The following ARHGAP24 variants were observed in gnomAD, a reference collection of about 807,000 sequenced individuals.
ARHGAP24 encodes rho GTPase-activating protein 24.
Under a neutral mutation model 76.4 loss-of-function variants are expected in ARHGAP24, and 50 were observed. The observed-to-expected ratio is 0.65, with a 90% CI of 0.52 to 0.83. The LOEUF (loss-of-function observed/expected upper bound fraction) is 0.83, where lower values mean the gene tolerates loss of function less well. ARHGAP24 is among the 40% of genes least tolerant of loss of function. The pLI is 0.00. For synonymous variants in ARHGAP24, 345 were observed against 323.3 expected (o/e 1.07, Z -0.72); for missense variants, 930 against 914.2 (o/e 1.02, Z -0.22).
At chr4:85,503,462 G>A (rs1723909094) in intron 1 of ARHGAP24, among the ~76,000 whole-genome samples, 1 of 152,198 alleles carries the variant, frequency 6.6e-6, no homozygotes, top group Non-Finnish European at 1.5e-5. Context: ...TATGTGTTCA[G>A]AAATTTATCC....
At chr4:85,990,318 G>A (rs1330883329) in intron 8 of ARHGAP24, 2 of 151,672 alleles carry the variant, frequency 1.3e-5, no homozygotes. Context: ...CCCTGCTCAT[G>A]TATTAGAATA....
At chr4:85,935,454 G>T (rs1207550181) in intron 4 of ARHGAP24, among the ~76,000 whole-genome samples, 1 of 152,200 alleles carries the variant, frequency 6.6e-6, no homozygotes, top group Non-Finnish European at 1.5e-5. Flanking sequence ...AAAGGAAATC[G>T]GGTTTGGTCT....
chr4:85,895,637 A>C (rs1734135603), intron 3 of ARHGAP24, among the ~76,000 whole-genome samples: 1 of 152,170 alleles, frequency 6.6e-6, no homozygotes, highest in Non-Finnish European at 1.5e-5. Flanking sequence ...TCTTATTTTG[A>C]ATACCTTGAC....
At chr4:85,829,001 G>C (rs1040210143) in intron 3 of ARHGAP24, among the ~76,000 whole-genome samples, 2 of 151,906 alleles carry the variant, frequency 1.3e-5, no homozygotes, top group African/African-American at 4.8e-5. Flanking sequence ...ATAATTATGA[G>C]GGAATACCAA....
chr4:85,485,347 C>CAAAAA (rs1157207535), intron 1 of ARHGAP24, among the ~76,000 whole-genome samples: 1 of 6,726 alleles, frequency 1.5e-4, no homozygotes, highest in African/African-American at 4.1e-4. Context: ...GACTCCATCT[C>CAAAAA]AAAAAAAAAA....
chr4:85,938,891 C>A (rs199809189), intron 4 of ARHGAP24, among the ~76,000 whole-genome samples: 1 of 151,612 alleles, frequency 6.6e-6, no homozygotes. Context: ...AATTATTTAT[C>A]CTAATGTGAT....
intron 1 of ARHGAP24, among the ~76,000 whole-genome samples, chr4:85,554,373 TC>T (rs1367881898): frequency 2.6e-5 from 4 of 152,350 alleles, no homozygotes; most frequent in Non-Finnish European, 2.9e-5. Context: ...AAGGAAGTTT[TC>T]ATGGATAATA....
At chr4:85,805,560 A>G (rs1427192592) in intron 3 of ARHGAP24, among the ~76,000 whole-genome samples, 1 of 152,160 alleles carries the variant, frequency 6.6e-6, no homozygotes, top group African/African-American at 2.4e-5. Flanking sequence ...TTGATTGGGG[A>G]TTATATTAAA....
chr4:85,631,835 A>G (rs1721168684), intron 2 of ARHGAP24, among the ~76,000 whole-genome samples: 2 of 152,022 alleles, frequency 1.3e-5, no homozygotes, highest in African/African-American at 4.8e-5. Flanking sequence ...TCTAATGTTG[A>G]CTATTGTGAT....
At chr4:85,481,506 C>A (rs1024082972) in intron 1 of ARHGAP24, among the ~76,000 whole-genome samples, 35 of 152,080 alleles carry the variant, frequency 2.3e-4, no homozygotes, top group Non-Finnish European at 2.9e-5. Context: ...TGAGTTGGGA[C>A]CTGTGGGATG....
At position 85,739,593 on chromosome 4, in the gene ARHGAP24, C is replaced by T. The variant is rs35472747; in HGVS notation, c.268+17621C>T. On this transcript the variant is annotated intron_variant, in intron 3 of 9. Transcript: ENST00000395184. ...CAGCTTCCCATTACACTCTCCATAT[C>T]GTGAAAACTCCACGTTCAATCTTTT... Among the ~76,000 whole-genome samples, 502 of 111,276 alleles carry T rather than the reference C, an allele frequency of 4.5e-3. 159 individuals are homozygous for T. The East Asian group carries it at 0.098, about 22-fold the overall frequency. The allele number at this position is 111,276 out of a possible 152,430, so 73.0% of individuals were successfully genotyped here. A position where few individuals can be genotyped will look rare whatever the true frequency, so the allele number is the denominator to read the frequency against.
At chr4:85,586,430 T>C (rs544931679) in intron 2 of ARHGAP24, among the ~76,000 whole-genome samples, 42 of 152,200 alleles carry the variant, frequency 2.8e-4, no homozygotes, top group Non-Finnish European at 8.8e-5. Context: ...ATGTGATTGG[T>C]TGAATAAGAG....
intron 2 of ARHGAP24, among the ~76,000 whole-genome samples, chr4:85,583,471 C>T (rs576416395): frequency 5.9e-5 from 9 of 151,994 alleles, no homozygotes; most frequent in African/African-American, 1.7e-4. Flanking sequence ...AAACGTTAGA[C>T]CTAAAACCAT....
At chr4:85,572,240 A>G (rs376284975) in intron 2 of ARHGAP24, among the ~76,000 whole-genome samples, 4 of 152,308 alleles carry the variant, frequency 2.6e-5, no homozygotes, top group African/African-American at 9.6e-5. Flanking sequence ...CCAAACTCAG[A>G]GAAAGGAACC....
chr4:85,532,296 C>G (rs1225579391), intron 1 of ARHGAP24, among the ~76,000 whole-genome samples: 1 of 152,056 alleles, frequency 6.6e-6, no homozygotes, highest in African/African-American at 2.4e-5. Context: ...AATGTAGTGA[C>G]TTCAAGGAAT....
At chr4:85,843,942 A>T (rs916131890) in intron 3 of ARHGAP24, among the ~76,000 whole-genome samples, 9 of 152,154 alleles carry the variant, frequency 5.9e-5, no homozygotes, top group African/African-American at 2.2e-4. Context: ...TATTTCATTA[A>T]GTGCAGAATA....
At chr4:85,594,133 T>G (rs949681532) in intron 2 of ARHGAP24, among the ~76,000 whole-genome samples, 2 of 152,006 alleles carry the variant, frequency 1.3e-5, no homozygotes, top group South Asian at 4.1e-4. Flanking sequence ...CTTTCAGCAG[T>G]ATTTTATAGT....
intron 3 of ARHGAP24, among the ~76,000 whole-genome samples, chr4:85,751,910 A>G (rs1726279100): frequency 6.6e-6 from 1 of 152,240 alleles, no homozygotes; most frequent in Non-Finnish European, 1.5e-5. Flanking sequence ...TAAAAAATAC[A>G]TGAGACAATG....
intron 1 of ARHGAP24, among the ~76,000 whole-genome samples, chr4:85,492,058 C>T (rs190514934): frequency 7.8e-4 from 119 of 151,922 alleles, no homozygotes; most frequent in African/African-American, 2.6e-3. Context: ...GCCATTCCCT[C>T]TTCCTCCCGT....
Sources: allele counts gnomAD v4.1 joint callset (sites outside exome capture counted in the v4.1 genomes callset), GRCh38; gene constraint gnomAD v4.1.1; transcripts MANE v1.5; gene names NCBI Gene and HGNC (gene_info 2026-07-23, HGNC 2026-07-21).